SDK1: variants seen among roughly 807,000 people sequenced by gnomAD.
SDK1 encodes protein sidekick-1.
A neutral mutation model predicts 245.5 loss-of-function variants in SDK1; 157 were observed. That is an observed-to-expected ratio of 0.64 (90% confidence interval 0.56 to 0.73). The LOEUF (loss-of-function observed/expected upper bound fraction) is 0.73. Ranked by LOEUF, SDK1 falls within the 30% of genes least tolerant of loss-of-function variation. SDK1 has a pLI of 0.00. For missense variants in SDK1, 3,583 were observed against 3,002.3 expected (o/e 1.19, Z -4.52); for synonymous variants, 1,647 against 1,278.5 (o/e 1.29, Z -6.15).
chr7:3,780,072 CT>C (rs1232114555), intron 4 of SDK1, among the ~76,000 whole-genome samples: 1 of 151,922 alleles, frequency 6.6e-6, no homozygotes, highest in Non-Finnish European at 1.5e-5. Flanking sequence ...ACTAGAATAT[CT>C]TTTTGAAAAT....
At chr7:3,411,846 C>T (rs1383248067) in intron 1 of SDK1, among the ~76,000 whole-genome samples, 2 of 152,050 alleles carry the variant, frequency 1.3e-5, no homozygotes, top group Non-Finnish European at 2.9e-5. Context: ...GGGGTTGGGA[C>T]TTTGTTCACT....
At chr7:3,570,994 GT>G (rs1390443634) in intron 1 of SDK1, among the ~76,000 whole-genome samples, 2 of 151,982 alleles carry the variant, frequency 1.3e-5, no homozygotes, top group African/African-American at 4.8e-5. Flanking sequence ...ACACACGTTT[GT>G]TTTACATTTT....
chr7:4,216,503 AC>A (rs1301605723), intron 38 of SDK1, among the ~76,000 whole-genome samples: 1 of 152,242 alleles, frequency 6.6e-6, no homozygotes, highest in African/African-American at 2.4e-5. Flanking sequence ...ACGGGGAACC[AC>A]AAAAGCGGTA....
At chr7:3,321,832 C>CTTCCTTCCTTCCTTCCTCT (rs1779821308) in intron 1 of SDK1, among the ~76,000 whole-genome samples, 1 of 132,972 alleles carries the variant, frequency 7.5e-6, no homozygotes, top group Admixed American at 7.6e-5. Context: ...TTCCTTCCTC[C>CTTCCTTCCTTCCTTCCTCT]TTTTCTCTCT....
At chr7:4,171,772 C>T (rs1394707670) in intron 32 of SDK1, among the ~76,000 whole-genome samples, 1 of 152,244 alleles carries the variant, frequency 6.6e-6, no homozygotes, top group Non-Finnish European at 1.5e-5. Context: ...CCGGGCAGTG[C>T]CATTTCCCCA....
intron 22 of SDK1, 49 bp from the exon 23 acceptor site, chr7:4,110,603 ACATGGCAGCCT>A: frequency 8.1e-7 from 1 of 1,234,458 alleles, no homozygotes; most frequent in Non-Finnish European, 1.2e-6. Flanking sequence ...CACATGGTCT[ACATGGCAGCCT>A]CAGTCCCTAA....
chr7:4,205,122 T>G (rs1047772848), intron 35 of SDK1, among the ~76,000 whole-genome samples: 1 of 148,868 alleles, frequency 6.7e-6, no homozygotes, highest in African/African-American at 2.5e-5. Context: ...GCGAGGGGGC[T>G]GGAGGGGAAG....
At chr7:3,704,246 G>C (rs1189406312) in intron 4 of SDK1, among the ~76,000 whole-genome samples, 1 of 151,774 alleles carries the variant, frequency 6.6e-6, no homozygotes, top group African/African-American at 2.4e-5. Flanking sequence ...TGGATGAGTA[G>C]TATTCTATGG....
intron 14 of SDK1, among the ~76,000 whole-genome samples, chr7:4,000,228 G>A (rs971804364): frequency 4.6e-5 from 7 of 152,244 alleles, no homozygotes; most frequent in Admixed American, 2.6e-4. Context: ...CTTGACTAGA[G>A]CATGCTGAGG....
At chr7:4,090,065 G>A (rs1488015926) in intron 22 of SDK1, among the ~76,000 whole-genome samples, 3 of 152,186 alleles carry the variant, frequency 2.0e-5, no homozygotes, top group Non-Finnish European at 4.4e-5. Context: ...AGAATGTGGG[G>A]GAAGTGATGC....
intron 4 of SDK1, among the ~76,000 whole-genome samples, chr7:3,820,245 G>C (rs903596463): frequency 1.3e-5 from 2 of 152,156 alleles, no homozygotes; most frequent in African/African-American, 4.8e-5. Context: ...CGCCTCCCAG[G>C]TTCAAGCGAT....
intron 1 of SDK1, among the ~76,000 whole-genome samples, chr7:3,555,242 C>G (rs1302696941): frequency 2.6e-5 from 4 of 152,034 alleles, no homozygotes; most frequent in Non-Finnish European, 5.9e-5. Flanking sequence ...GGCAAGTTGA[C>G]CAGTGGAACA....
At chr7:3,917,555 A>G (rs12701281) in intron 5 of SDK1, among the ~76,000 whole-genome samples, 44,867 of 152,068 alleles carry the variant, frequency 0.3, 6,774 homozygotes, top group Middle Eastern at 0.39. Flanking sequence ...CTGAGAGCAG[A>G]GGCCTGCTAA....
intron 14 of SDK1, among the ~76,000 whole-genome samples, chr7:4,002,584 C>A (rs1374711184): frequency 3.9e-5 from 6 of 152,182 alleles, no homozygotes; most frequent in Non-Finnish European, 8.8e-5. Flanking sequence ...CATTTCAGTT[C>A]CTTCCCATAC....
chr7:3,920,215 A>G (rs754849514), intron 5 of SDK1, among the ~76,000 whole-genome samples: 2 of 152,182 alleles, frequency 1.3e-5, no homozygotes, highest in African/African-American at 4.8e-5. Flanking sequence ...TCTGGGCTTC[A>G]TGCTGTGGGT....
intron 44 of SDK1, among the ~76,000 whole-genome samples, chr7:4,258,976 T>C (rs937184852): frequency 1.6e-4 from 25 of 152,264 alleles, no homozygotes; most frequent in Admixed American, 2.0e-4. Context: ...TCAGGAAGTT[T>C]AGATTCCAAG....
intron 1 of SDK1, among the ~76,000 whole-genome samples, chr7:3,458,091 C>A (rs1332344510): frequency 6.6e-6 from 1 of 151,582 alleles, no homozygotes; most frequent in Non-Finnish European, 1.5e-5. Context: ...GTGTGTTTTT[C>A]CCTGTTGGAA....
intron 1 of SDK1, among the ~76,000 whole-genome samples, chr7:3,479,229 C>G (rs367963031): frequency 4.0e-5 from 6 of 151,812 alleles, no homozygotes; most frequent in African/African-American, 1.2e-4. Flanking sequence ...CGAGACCATC[C>G]TGGCCAACGT....
chr7:3,790,429 G>C (rs542826581), intron 4 of SDK1, among the ~76,000 whole-genome samples: 2 of 152,142 alleles, frequency 1.3e-5, no homozygotes, highest in Non-Finnish European at 2.9e-5. Flanking sequence ...AGTCTGCAGA[G>C]AATAGTGTGG....
Sources: allele counts gnomAD v4.1 joint callset (sites outside exome capture counted in the v4.1 genomes callset), GRCh38; gene constraint gnomAD v4.1.1; transcripts MANE v1.5; gene names NCBI Gene and HGNC (gene_info 2026-07-23, HGNC 2026-07-21).